CADPS: variants seen among roughly 807,000 people sequenced by gnomAD.
CADPS encodes the protein calcium dependent secretion activator, also known as calcium-dependent secretion activator 1.
CADPS carries 57 observed loss-of-function variants against 167.3 expected under a neutral mutation model. That is an observed-to-expected ratio of 0.34 (90% CI 0.28 to 0.42). The LOEUF (loss-of-function observed/expected upper bound fraction) is 0.42, where lower values mean the gene tolerates loss of function less well. CADPS is among the 20% of genes least tolerant of loss of function. The probability of loss-of-function intolerance (pLI) is 1.00; values close to 1 mark genes in which losing one functional copy is unlikely to be tolerated. For synonymous variants in CADPS, 676 were observed against 635.3 expected, an observed-to-expected ratio of 1.06 and a Z score of -0.96; for missense variants, 1,414 against 1,738.1, an observed-to-expected ratio of 0.81 and a Z score of 3.32.
At chr3:62,543,533 T>C (rs1342858709) in intron 11 of CADPS, among the ~76,000 whole-genome samples, 1 of 152,088 alleles carries the variant, frequency 6.6e-6, no homozygotes, top group Non-Finnish European at 1.5e-5. Flanking sequence ...TCATCAGACA[T>C]TCAAGAAAAG....
chr3:62,517,848 T>C (rs1295920434), intron 14 of CADPS, among the ~76,000 whole-genome samples: 1 of 152,204 alleles, frequency 6.6e-6, no homozygotes, highest in African/African-American at 2.4e-5. Flanking sequence ...TTTTTATTTA[T>C]TCATTTTTAC....
intron 8 of CADPS, among the ~76,000 whole-genome samples, chr3:62,581,449 TAA>T (rs549450552): frequency 1.9e-4 from 23 of 121,486 alleles, no homozygotes; most frequent in Admixed American, 5.9e-4. Flanking sequence ...GTTAGAAAAT[TAA>T]AAAAAAAAAA....
intron 17 of CADPS, among the ~76,000 whole-genome samples, chr3:62,511,773 A>C (rs936269383): frequency 6.6e-6 from 1 of 152,080 alleles, no homozygotes; most frequent in African/African-American, 2.4e-5. Flanking sequence ...ATTTACATAT[A>C]TAGACCCATT....
At chr3:62,461,386 G>T (rs536056502) in intron 26 of CADPS, among the ~76,000 whole-genome samples, 1 of 152,064 alleles carries the variant, frequency 6.6e-6, no homozygotes, top group African/African-American at 2.4e-5. Context: ...GGCAGAGCTG[G>T]GTTACCATCC....
chr3:62,445,163 G>A (rs149434851), intron 27 of CADPS, among the ~76,000 whole-genome samples: 1 of 152,068 alleles, frequency 6.6e-6, no homozygotes, highest in Non-Finnish European at 1.5e-5. Context: ...GGGAAACTTC[G>A]AGTGCTTTAT....
Position 62,480,413 on chromosome 3 carries a change from GC to G in CADPS, c.3173+1309del, listed in dbSNP as rs1390423049. Among the ~76,000 whole-genome samples the G allele has an allele frequency of 4.6e-5, 7 of 152,044 alleles. No individual in the cohort carries two copies. The East Asian group carries it at 1.3e-3, about 29-fold the overall frequency. On this transcript the variant is annotated intron_variant, in intron 22 of 29. Coordinates refer to ENST00000383710, the MANE Select transcript of CADPS (RefSeq NM_003716.4). ...ATATGATTTGTGTTCTTTTTTAGAA[GC>G]TTTTTTTCAGATATAAATTTTTGGA...
chr3:62,867,079 CAT>C (rs2081837622), intron 1 of CADPS, among the ~76,000 whole-genome samples: 1 of 151,988 alleles, frequency 6.6e-6, no homozygotes, highest in African/African-American at 2.4e-5. Flanking sequence ...TCTACACAAA[CAT>C]AAAAGCATTT....
intron 1 of CADPS, among the ~76,000 whole-genome samples, chr3:62,770,890 TG>T (rs1324980016): frequency 6.6e-6 from 1 of 152,204 alleles, no homozygotes; most frequent in African/African-American, 2.4e-5. Context: ...GAGTGTTGCC[TG>T]TTTTTGAACT....
chr3:62,699,554 T>C (rs2151499548), intron 3 of CADPS, among the ~76,000 whole-genome samples: 1 of 151,826 alleles, frequency 6.6e-6, no homozygotes, highest in South Asian at 2.1e-4. Flanking sequence ...CAAATCTGGC[T>C]GATGACCTGT....
chr3:62,576,297 A>T (rs1396522659), intron 8 of CADPS, among the ~76,000 whole-genome samples: 1 of 152,182 alleles, frequency 6.6e-6, no homozygotes, highest in African/African-American at 2.4e-5. Context: ...TGGCCCTGTC[A>T]TTAACTTTCC....
intron 1 of CADPS, among the ~76,000 whole-genome samples, chr3:62,783,608 A>C (rs2152681471): frequency 6.6e-6 from 1 of 152,344 alleles, no homozygotes; most frequent in African/African-American, 2.4e-5. Context: ...TTAACCTGTT[A>C]GACACAATTA....
intron 1 of CADPS, among the ~76,000 whole-genome samples, chr3:62,768,919 TG>T (rs2087704309): frequency 6.6e-6 from 1 of 152,164 alleles, no homozygotes; most frequent in Admixed American, 6.5e-5. Context: ...GAAGGAGAGT[TG>T]GGGGCATGGA....
At chr3:62,858,722 A>G (rs116978213) in intron 1 of CADPS, among the ~76,000 whole-genome samples, 1 of 152,338 alleles carries the variant, frequency 6.6e-6, no homozygotes, top group East Asian at 1.9e-4. Context: ...TTTGTAGTTT[A>G]TCCACATTAC....
intron 6 of CADPS, among the ~76,000 whole-genome samples, chr3:62,594,228 C>G (rs574411590): frequency 6.8e-6 from 1 of 146,318 alleles, no homozygotes. Flanking sequence ...GTGGCGGGAT[C>G]TCGGCTCACT....
intron 1 of CADPS, among the ~76,000 whole-genome samples, chr3:62,855,720 A>G (rs891154663): frequency 2.0e-5 from 3 of 152,088 alleles, no homozygotes; most frequent in African/African-American, 7.2e-5. Context: ...GGGGTATAGG[A>G]TTTCAACTTT....
chr3:62,593,606 C>T (rs1009853663), intron 6 of CADPS, among the ~76,000 whole-genome samples: 4 of 152,160 alleles, frequency 2.6e-5, no homozygotes, highest in Non-Finnish European at 5.9e-5. Context: ...GGACCCCTAC[C>T]TATGGACTGC....
At chr3:62,567,648 C>T (rs1562262475) in intron 9 of CADPS, among the ~76,000 whole-genome samples, 1 of 141,852 alleles carries the variant, frequency 7.0e-6, no homozygotes, top group Non-Finnish European at 1.5e-5. Flanking sequence ...AATCTCAGCT[C>T]ACTGCAGCCT....
At position 62,428,296 on chromosome 3, in the gene CADPS, C is replaced by CTTTTTT. The variant is rs34002756; in HGVS notation, c.3777+9802_3777+9807dup. Among the ~76,000 whole-genome samples the CTTTTTT allele has an allele frequency of 2.0e-3, 129 of 64,630 alleles. 22 individuals are homozygous for CTTTTTT. The highest frequency in any genetic ancestry group is 5.2e-3 in the African/African-American group (65 of 12,404). The allele number at this position is 64,630 out of a possible 152,430, so 42.4% of individuals were successfully genotyped here. On this transcript the variant is annotated intron_variant, in intron 28 of 29. Coordinates refer to ENST00000383710, the MANE Select transcript of CADPS (RefSeq NM_003716.4). ...TTGCAGCCACCTGGTGGAAGCAAGA[C>CTTTTTT]TTTTTTTTTTTTTTTTTTTTTTTTT...
At chr3:62,509,956 T>C (rs183384154) in intron 17 of CADPS, among the ~76,000 whole-genome samples, 1 of 152,140 alleles carries the variant, frequency 6.6e-6, no homozygotes, top group African/African-American at 2.4e-5. Context: ...GAATCACAGC[T>C]CCTTCATCTG....
Sources: gnomAD v4.1 joint callset for allele counts (sites outside exome capture counted in the v4.1 genomes callset) on GRCh38, gnomAD v4.1.1 for gene constraint, MANE v1.5 for transcripts, NCBI Gene and HGNC (gene_info 2026-07-23, HGNC 2026-07-21) for gene names.